The following SLC39A14 variants were observed in gnomAD, a reference collection of about 807,000 sequenced individuals.
SLC39A14 encodes metal cation symporter ZIP14.
A neutral mutation model predicts 45.5 loss-of-function variants in SLC39A14; 19 were observed. The ratio of observed to expected loss-of-function variants is 0.42; its 90% CI spans 0.29 to 0.61. The LOEUF (loss-of-function observed/expected upper bound fraction) is 0.61. Ranked by LOEUF, SLC39A14 falls within the 20% of genes least tolerant of loss-of-function variation. The pLI is 0.22. For missense variants in SLC39A14, 447 were observed against 616.5 expected (o/e 0.73, Z 2.91); for synonymous variants, 264 against 251.3 (o/e 1.05, Z -0.48).
chr8:22,386,884 T>C (rs892131994), intron 1 of SLC39A14, among the ~76,000 whole-genome samples: 4 of 152,154 alleles, frequency 2.6e-5, no homozygotes, highest in African/African-American at 9.7e-5. Flanking sequence ...TTTAAAAGGC[T>C]ATTGTCGGCC....
At chr8:22,373,505 ACTT>A (rs1179277756) in intron 1 of SLC39A14, among the ~76,000 whole-genome samples, 1 of 152,088 alleles carries the variant, frequency 6.6e-6, no homozygotes, top group African/African-American at 2.4e-5. Context: ...TATACCCTAA[ACTT>A]CTACCTTAGA....
In SLC39A14 at chr8:22,417,760, C is replaced by T. The variant is rs370036329; in HGVS notation, c.1257C>T (p.Ala419=). Residue 419 remains alanine (A), a synonymous_variant, in exon 8 of 9, where the codon GCC becomes GCT. Transcript: ENST00000381237. ...TGGGTCTGGCCTTTGGCATCCTGGC[C>T]GGCAGCCACTTCTCTGCCAACTGGA... The part of the protein sequence containing the change: ...CYLGLAFGIL[A]GSHFSANWIF... 285 of 1,614,146 alleles carry T rather than the reference C, an allele frequency of 1.8e-4. No individual in the cohort carries two copies. Among genetic ancestry groups the T allele is most frequent in the Non-Finnish European group, 2.1e-4 (251 of 1,180,028 alleles).
chr8:22,415,996 G>T, intron 6 of SLC39A14, 39 bp downstream of exon 6: 1 of 1,603,884 alleles, frequency 6.2e-7, no homozygotes, highest in Non-Finnish European at 8.5e-7. Flanking sequence ...GCCTCTAAGA[G>T]GTTGACTCAG....
At position 22,419,780 on chromosome 8, in the gene SLC39A14, C is replaced by A; in HGVS notation, c.*82C>A. ...GCCCGAGGACTTACCATCCACAATG[C>A]ACCACGGAAGAGGCCGTTCTATGAA... On this transcript the variant is annotated 3_prime_UTR_variant, in exon 9 of 9. Coordinates refer to ENST00000381237, the MANE Select transcript of SLC39A14 (RefSeq NM_001128431.4). The A allele has an allele frequency of 6.7e-7, 1 of 1,492,362 alleles. No individual in the cohort carries two copies. The highest frequency in any genetic ancestry group is 1.4e-5 in the African/African-American group (1 of 71,372). The allele number at this position is 1,492,362 out of a possible 1,614,324, so 92.4% of individuals were successfully genotyped here. A position where few individuals can be genotyped will look rare whatever the true frequency, so the allele number is the denominator to read the frequency against.
chr8:22,401,747 G>A (rs1834882410), intron 1 of SLC39A14, among the ~76,000 whole-genome samples: 1 of 151,886 alleles, frequency 6.6e-6, no homozygotes, highest in Non-Finnish European at 1.5e-5. Flanking sequence ...TGTTGGCCAG[G>A]CTGGTCTCGA....
intron 1 of SLC39A14, among the ~76,000 whole-genome samples, chr8:22,387,683 T>G (rs1350140381): frequency 6.6e-6 from 1 of 152,110 alleles, no homozygotes; most frequent in African/African-American, 2.4e-5. Context: ...GAGCTGGGTG[T>G]GATATGAGCC....
Position 22,421,734 on chromosome 8 carries a change from C to G in SLC39A14, c.*2036C>G, listed in dbSNP as rs924390918. 3.0e-6 allele frequency: 3 copies of G among 984,342 alleles called. No individual in the cohort carries two copies. Among genetic ancestry groups the G allele is most frequent in the East Asian group, 2.3e-4 (2 of 8,828 alleles). 61.0% of individuals were successfully genotyped at this position (984,342 alleles called of 1,614,324 possible). A position where few individuals can be genotyped will look rare whatever the true frequency, so the allele number is the denominator to read the frequency against. On this transcript the variant is annotated 3_prime_UTR_variant, in exon 9 of 9. Coordinates refer to ENST00000381237, the MANE Select transcript of SLC39A14 (RefSeq NM_001128431.4). ...TATAATTTTAGCATTCCCAATAGAT[C>G]CTATCATTCCTTAAACATAATACCC...
At chr8:22,375,491 CT>C (rs1006104218) in intron 1 of SLC39A14, among the ~76,000 whole-genome samples, 122 of 144,920 alleles carry the variant, frequency 8.4e-4, no homozygotes, top group Admixed American at 1.4e-3. Flanking sequence ...ATGGCTGTAT[CT>C]TTTTTTTTTT....
intron 3 of SLC39A14, among the ~76,000 whole-genome samples, chr8:22,408,714 C>G (rs966012516): frequency 6.6e-6 from 1 of 152,040 alleles, no homozygotes; most frequent in Admixed American, 6.6e-5. Flanking sequence ...CCGTAGCTGG[C>G]GAATGTTCAG....
Position 22,420,119 on chromosome 8 carries a change from A to C in SLC39A14, c.*421A>C, listed in dbSNP as rs1428260168. The C allele has an allele frequency of 1.0e-6, 1 of 988,022 alleles. No homozygotes were observed. The highest frequency in any genetic ancestry group is 1.1e-4 in the East Asian group (1 of 8,908). The allele number at this position is 988,022 out of a possible 1,614,324, so 61.2% of individuals were successfully genotyped here. A position where few individuals can be genotyped will look rare whatever the true frequency, so the allele number is the denominator to read the frequency against. ...GAGTTGAATCCATAGTGTGGGGCCC[A>C]TGACTCTAGCTGGGCACCTTGGACC... On this transcript the variant is annotated 3_prime_UTR_variant, in exon 9 of 9. Coordinates refer to ENST00000381237, the MANE Select transcript of SLC39A14 (RefSeq NM_001128431.4).
At chr8:22,424,983 C>T (rs183056441), downstream of SLC39A14, among the ~76,000 whole-genome samples, 1 of 137,718 alleles carries the variant, frequency 7.3e-6, no homozygotes, top group African/African-American at 2.7e-5. Flanking sequence ...GAGCCAAGAT[C>T]GTGCTACTGC....
At chr8:22,376,217 G>T (rs1414785669) in intron 1 of SLC39A14, among the ~76,000 whole-genome samples, 1 of 152,074 alleles carries the variant, frequency 6.6e-6, no homozygotes, top group Admixed American at 6.6e-5. Context: ...CAGTGCACAG[G>T]CTGGAGGGCA....
At chr8:22,405,379 G>A (rs1835152384) in intron 2 of SLC39A14, among the ~76,000 whole-genome samples, 1 of 152,218 alleles carries the variant, frequency 6.6e-6, no homozygotes, top group Non-Finnish European at 1.5e-5. Flanking sequence ...CAGGCATGGT[G>A]GCGGATGCCT....
In SLC39A14 at chr8:22,403,574, C is replaced by T. The variant is rs1041372495; in HGVS notation, c.-15-1122C>T. 6.6e-5 allele frequency among the ~76,000 whole-genome samples: 10 copies of T among 151,546 alleles called. No homozygotes were observed. The East Asian group carries it at 9.9e-4, about 15-fold the overall frequency. On this transcript the variant is annotated intron_variant, in intron 1 of 8. Transcript: ENST00000381237. ...GATTACAGGCATGAGCCACAGTGCC[C>T]GGCCGATGTTTATTTTTTAATAGCT... is the stretch of plus-strand genomic sequence containing the variant.
At chr8:22,403,398 G>T (rs1297187002) in intron 1 of SLC39A14, among the ~76,000 whole-genome samples, 2 of 151,874 alleles carry the variant, frequency 1.3e-5, no homozygotes, top group Non-Finnish European at 2.9e-5. Context: ...TCCTGCCTCA[G>T]CCTCCTGAAT....
intron 1 of SLC39A14, among the ~76,000 whole-genome samples, chr8:22,369,804 C>T (rs1220621474): frequency 2.6e-5 from 4 of 152,126 alleles, no homozygotes; most frequent in African/African-American, 9.7e-5. Flanking sequence ...TCATCATTCT[C>T]ATCGTCATAA....
chr8:22,384,009 G>A (rs1833650991), intron 1 of SLC39A14, among the ~76,000 whole-genome samples: 2 of 152,152 alleles, frequency 1.3e-5, no homozygotes, highest in South Asian at 4.1e-4. Context: ...CCATGTCTCA[G>A]TTCCTGTTCC....
At chr8:22,411,816 T>G in intron 3 of SLC39A14, 1 of 533,748 alleles carries the variant, frequency 1.9e-6, no homozygotes, top group Non-Finnish European at 3.3e-6. Flanking sequence ...TGAAGGAAAT[T>G]TCATCAGATG....
intron 1 of SLC39A14, among the ~76,000 whole-genome samples, chr8:22,368,752 GGT>G (rs374334838): frequency 9.9e-5 from 15 of 152,040 alleles, no homozygotes; most frequent in African/African-American, 3.6e-4. Context: ...TAGCCAGGAT[GGT>G]CTCGATCTCC....
Sources: allele counts gnomAD v4.1 joint callset (sites outside exome capture counted in the v4.1 genomes callset), GRCh38; gene constraint gnomAD v4.1.1; transcripts MANE v1.5; gene names NCBI Gene and HGNC (gene_info 2026-07-23, HGNC 2026-07-21).